The following TMEM74 variants were observed in gnomAD, a reference collection of about 807,000 sequenced individuals.
TMEM74 encodes transmembrane protein 74.
Under a neutral mutation model 18.1 loss-of-function variants are expected in TMEM74, and 13 were observed. The ratio of observed to expected loss-of-function variants is 0.72; its 90% confidence interval spans 0.47 to 1.14. TMEM74 has a LOEUF of 1.14. TMEM74 is among the 50% of genes most tolerant of loss of function. TMEM74 has a pLI of 0.00. For synonymous variants in TMEM74, 159 were observed against 146.6 expected (o/e 1.08, Z -0.61); for missense variants, 372 against 375.9 (o/e 0.99, Z 0.09).
intron 2 of TMEM74, among the ~76,000 whole-genome samples, chr8:108,615,187 C>T (rs2935778): frequency 0.21 from 32,010 of 152,126 alleles, 3,408 homozygotes; most frequent in East Asian, 0.27. Context: ...CCCAGAGGGA[C>T]GGAAGCTACA....
chr8:108,613,357 A>C (rs1402691397), intron 2 of TMEM74, among the ~76,000 whole-genome samples: 1 of 152,176 alleles, frequency 6.6e-6, no homozygotes, highest in Non-Finnish European at 1.5e-5. Context: ...CACCAACATC[A>C]TTTCCTGAAT....
At chr8:108,660,862 G>C (rs1043602367) in intron 1 of TMEM74, among the ~76,000 whole-genome samples, 1 of 152,024 alleles carries the variant, frequency 6.6e-6, no homozygotes, top group Non-Finnish European at 1.5e-5. Context: ...GCTCCAGTTT[G>C]CCAAGTCTGA....
chr8:108,681,082 C>A (rs1312626917), intron 1 of TMEM74, among the ~76,000 whole-genome samples: 1 of 152,132 alleles, frequency 6.6e-6, no homozygotes, highest in Non-Finnish European at 1.5e-5. Context: ...GTGAAAATGG[C>A]CATACTGCCC....
rs993118993 is a variant in TMEM74, at chr8:108,631,080, A to G, written n.265-22254T>C. Among the ~76,000 whole-genome samples the G allele has an allele frequency of 3.3e-5, 5 of 152,026 alleles. No individual in the cohort carries two copies. In the East Asian group the frequency reaches 5.8e-4, roughly 18 times the overall value. On this transcript the variant is annotated intron_variant and non_coding_transcript_variant, in intron 2 of 3. Coordinates refer to the TMEM74 transcript ENST00000518838. ...GAAATTAAAGTCCTGAAGAAAAGCC[A>G]CTTGGACATGGGAAGAACACTACAT...
At chr8:108,646,797 A>C (rs1299926183) in intron 2 of TMEM74, among the ~76,000 whole-genome samples, 1 of 148,120 alleles carries the variant, frequency 6.8e-6, no homozygotes, top group Non-Finnish European at 1.5e-5. Flanking sequence ...TTCATAACTC[A>C]GGTTATAAAA....
intron 1 of TMEM74, among the ~76,000 whole-genome samples, chr8:108,658,033 A>G (rs1445697598): frequency 6.6e-6 from 1 of 151,162 alleles, no homozygotes; most frequent in Non-Finnish European, 1.5e-5. Context: ...AGAACAAGGC[A>G]GAAGGAAAAT....
downstream of TMEM74, among the ~76,000 whole-genome samples, chr8:108,777,584 A>C (rs1017689598): frequency 6.6e-6 from 1 of 152,214 alleles, no homozygotes; most frequent in Non-Finnish European, 1.5e-5. Flanking sequence ...TATTTTCTTT[A>C]GTTTATAAAA....
intron 1 of TMEM74, among the ~76,000 whole-genome samples, chr8:108,666,288 C>T (rs1412369190): frequency 2.6e-5 from 4 of 152,156 alleles, no homozygotes; most frequent in African/African-American, 7.2e-5. Flanking sequence ...TAATAGACTT[C>T]GTTTGCTTAA....
chr8:108,702,478 T>A (rs1192684578), intron 1 of TMEM74, among the ~76,000 whole-genome samples: 1 of 151,528 alleles, frequency 6.6e-6, no homozygotes, highest in East Asian at 1.9e-4. Flanking sequence ...GAGCTGGCCA[T>A]CCACATGCAA....
At chr8:108,651,108 A>G (rs1257056601) in intron 2 of TMEM74, among the ~76,000 whole-genome samples, 2 of 152,062 alleles carry the variant, frequency 1.3e-5, no homozygotes, top group African/African-American at 4.8e-5. Context: ...AGCGCTTACT[A>G]CCATCTAACA....
rs1563530168 is a variant in TMEM74 at position 108,702,476 on chromosome 8, C to CTGGAT, written n.120-47040_120-47039insATCCA. 2.6e-5 allele frequency among the ~76,000 whole-genome samples: 4 copies of CTGGAT among 151,876 alleles called. No individual in the cohort carries two copies. In the East Asian group the frequency reaches 7.7e-4, roughly 29 times the overall value. ...TAGCCAATGGTTCTGGAGAGCTGGC[C>CTGGAT]ATCCACATGCAAACAAATGAATCTG... is the stretch of plus-strand genomic sequence containing the variant. On this transcript the variant is annotated intron_variant and non_coding_transcript_variant, in intron 1 of 3. Coordinates refer to the TMEM74 transcript ENST00000518838.
At chr8:108,612,546 T>C (rs1812344054) in intron 2 of TMEM74, among the ~76,000 whole-genome samples, 1 of 152,216 alleles carries the variant, frequency 6.6e-6, no homozygotes, top group Non-Finnish European at 1.5e-5. Context: ...CTCTGGAATG[T>C]TCTACAAGAT....
rs1814343255 is a variant in TMEM74, at chr8:108,784,102, G to T, written c.*79C>A. On this transcript the variant is annotated 3_prime_UTR_variant, in exon 2 of 2. Coordinates refer to ENST00000297459, the MANE Select transcript of TMEM74 (RefSeq NM_153015.3). Reference sequence around the variant, plus strand: ...ACTTTTCTTGCCAGGCAAATAAATTGCACTGTGAATTTTTATAAATTAACT... The same window carrying T: ...ACTTTTCTTGCCAGGCAAATAAATTTCACTGTGAATTTTTATAAATTAACT... 2 of 1,262,424 alleles carry T rather than the reference G, an allele frequency of 1.6e-6. No individual in the cohort carries two copies. The highest frequency in any genetic ancestry group is 2.2e-6 in the Non-Finnish European group (2 of 921,434). The allele number at this position is 1,262,424 out of a possible 1,614,324, so 78.2% of individuals were successfully genotyped here. A position where few individuals can be genotyped will look rare whatever the true frequency, so the allele number is the denominator to read the frequency against.
rs528252541 is a variant in TMEM74 at position 108,647,446 on chromosome 8, T to C, written n.264+7847A>G. Among the ~76,000 whole-genome samples the C allele has an allele frequency of 6.6e-5, 10 of 152,284 alleles. No homozygotes were observed. In the South Asian group the frequency reaches 1.2e-3, roughly 19 times the overall value. On this transcript the variant is annotated intron_variant and non_coding_transcript_variant, in intron 2 of 3. Coordinates refer to the TMEM74 transcript ENST00000518838. Reference sequence around the variant, plus strand: ...AGCTTTTTATTCCAAGGAAAACTTTTTCTATGACTAATGTTTAGTACTAGA... The same window carrying C: ...AGCTTTTTATTCCAAGGAAAACTTTCTCTATGACTAATGTTTAGTACTAGA...
chr8:108,755,879 A>G (rs1256482556), intron 1 of TMEM74, among the ~76,000 whole-genome samples: 1 of 152,092 alleles, frequency 6.6e-6, no homozygotes, highest in African/African-American at 2.4e-5. Context: ...AGTATAGGCA[A>G]AGACAAAGAG....
At position 108,779,696 on chromosome 8, in the gene TMEM74, A is replaced by G. The variant is rs1035096426; in HGVS notation, c.*4485T>C. On this transcript the variant is annotated 3_prime_UTR_variant, in exon 2 of 2. Transcript: ENST00000297459. ...AGGCATGCCAAATTCCTATAATAAAATTATTCTAACAATAACTTTGGATAT... is the reference window on the plus strand; with the variant it reads ...AGGCATGCCAAATTCCTATAATAAAGTTATTCTAACAATAACTTTGGATAT... Among the ~76,000 whole-genome samples the G allele has an allele frequency of 3.3e-5, 5 of 152,306 alleles. No individual in the cohort carries two copies. The highest frequency in any genetic ancestry group is 1.3e-4 in the Admixed American group (2 of 15,292).
At chr8:108,694,482 C>T (rs1482844244) in intron 1 of TMEM74, among the ~76,000 whole-genome samples, 1 of 152,068 alleles carries the variant, frequency 6.6e-6, no homozygotes, top group Non-Finnish European at 1.5e-5. Flanking sequence ...ATAGGCAAAT[C>T]CATAGAAACT....
intron 1 of TMEM74, among the ~76,000 whole-genome samples, chr8:108,756,650 GAGAAAGAAAGAA>G (rs71305914): frequency 1.8e-3 from 48 of 27,106 alleles, no homozygotes; most frequent in East Asian, 5.6e-3. Flanking sequence ...AAGAAAGAAA[GAGAAAGAAAGAA>G]AGAAAGAAAG....
intron 2 of TMEM74, chr8:108,626,813 T>A (rs189805638): frequency 6.6e-6 from 1 of 152,146 alleles, no homozygotes; most frequent in East Asian, 1.9e-4. Flanking sequence ...ACCTCATACA[T>A]TTTATCAACA....
Sources: allele counts gnomAD v4.1 joint callset (sites outside exome capture counted in the v4.1 genomes callset), GRCh38; gene constraint gnomAD v4.1.1; transcripts MANE v1.5; gene names NCBI Gene and HGNC (gene_info 2026-07-23, HGNC 2026-07-21).